The following FSIP2 variants were observed in gnomAD, a reference collection of about 807,000 sequenced individuals.
The protein encoded by FSIP2 is fibrous sheath interacting protein 2.
In FSIP2, 367 loss-of-function variants were observed where a neutral mutation model predicts 510.5. The observed-to-expected ratio is 0.72, with a 90% confidence interval of 0.66 to 0.78. The LOEUF (loss-of-function observed/expected upper bound fraction) is 0.78, where lower values mean the gene tolerates loss of function less well. FSIP2 is among the 30% of genes least tolerant of loss of function. FSIP2 has a pLI of 0.00. For synonymous variants in FSIP2, 2,601 were observed against 2,732.2 expected, an observed-to-expected ratio of 0.95 and a Z score of 1.50; for missense variants, 7,594 against 7,901.7, an observed-to-expected ratio of 0.96 and a Z score of 1.48.
Position 185,795,137 on chromosome 2 carries a change from A to G in FSIP2, c.8001A>G (p.Arg2667=). The G allele has an allele frequency of 1.3e-6, 2 of 1,534,960 alleles. No homozygotes were observed. Among genetic ancestry groups the G allele is most frequent in the South Asian group, 2.4e-5 (2 of 84,036 alleles). ...GCTTTAAAGCACATTTAAAAACAAG[A>G]TCAAAAATTACCACTTTGCCTAAAT... ...KPCFKAHLKT[R]SKITTLPKFT... is the part of the protein sequence containing the mutation. Residue 2667 remains arginine, a synonymous_variant, in exon 16 of 23, where the codon AGA becomes AGG. Coordinates refer to ENST00000424728, the MANE Select transcript of FSIP2 (RefSeq NM_173651.4).
At chr2:185,821,787 A>G (rs975861693) in intron 19 of FSIP2, among the ~76,000 whole-genome samples, 3 of 151,646 alleles carry the variant, frequency 2.0e-5, no homozygotes, top group South Asian at 2.1e-4. Flanking sequence ...ATAGCCAGAC[A>G]TGGTGGTGTG....
chr2:185,738,859 G>A lies in FSIP2; in HGVS notation c.-36G>A, dbSNP rs1411212631. On this transcript the variant is annotated 5_prime_UTR_variant, in exon 1 of 23. Transcript: ENST00000424728. ...CGGGGTGCTAGAGAAGGAGAGCGGGGCGGGTGAGGAAGGGGCTGAGGGGGC... is the reference window on the plus strand; with the variant it reads ...CGGGGTGCTAGAGAAGGAGAGCGGGACGGGTGAGGAAGGGGCTGAGGGGGC... 1 of 1,528,860 alleles carries A rather than the reference G, an allele frequency of 6.5e-7. No homozygotes were observed. The highest frequency in any genetic ancestry group is 8.7e-7 in the Non-Finnish European group (1 of 1,143,974). 94.7% of individuals were successfully genotyped at this position (1,528,860 alleles called of 1,614,324 possible).
Position 185,833,159 on chromosome 2 carries a change from A to C in FSIP2, c.20657A>C (p.Lys6886Thr). ...ACAAAAATGTCTTCAACTTTGTCAA[A>C]GGTGTTTTCTCAATGTAACACCAAT... ...MLTKMSSTLS[K>T]VFSQCNTNIS... is the part of the protein sequence containing the mutation. Residue 6886 changes from lysine (K) to threonine (T), a missense_variant, in exon 23 of 23, where the codon AAG becomes ACG. Lys to Thr is a moderately conservative substitution (Grantham distance 78). Coordinates refer to ENST00000424728, the MANE Select transcript of FSIP2 (RefSeq NM_173651.4). 6.2e-7 allele frequency: 1 copy of C among 1,610,448 alleles called. No individual in the cohort carries two copies. Among genetic ancestry groups the C allele is most frequent in the Non-Finnish European group, 8.5e-7 (1 of 1,177,386 alleles).
intron 10 of FSIP2, among the ~76,000 whole-genome samples, chr2:185,761,715 A>T (rs1692355740): frequency 6.6e-6 from 1 of 151,328 alleles, no homozygotes; most frequent in South Asian, 2.1e-4. Flanking sequence ...GCCTTTAGGC[A>T]AAGTAGGAAG....
chr2:185,801,603 T>A lies in FSIP2; in HGVS notation c.12297T>A (p.His4099Gln), dbSNP rs951126900. ...AACTGCCATCTTGCTTCAAGGAACA[T>A]CTCATACCCCATTCATATTACCCTC... ...DYKLPSCFKE[H>Q]LIPHSYYPLK... Residue 4099 changes from histidine to glutamine, a missense_variant, in exon 17 of 23, where the codon CAT (histidine) becomes CAA (glutamine). By Grantham distance (24) the His-to-Gln change is conservative. Coordinates refer to ENST00000424728, the MANE Select transcript of FSIP2 (RefSeq NM_173651.4). The A allele has an allele frequency of 1.0e-5, 16 of 1,533,242 alleles. No homozygotes were observed. Among genetic ancestry groups the A allele is most frequent in the Non-Finnish European group, 1.4e-5 (16 of 1,145,292 alleles). The allele number at this position is 1,533,242 out of a possible 1,614,324, so 95.0% of individuals were successfully genotyped here. A position where few individuals can be genotyped will look rare whatever the true frequency, so the allele number is the denominator to read the frequency against.
In FSIP2 at chr2:185,813,835, G is replaced by A. The variant is rs779866454; in HGVS notation, c.20118G>A (p.Thr6706=). 1.5e-5 allele frequency: 24 copies of A among 1,613,428 alleles called. No individual in the cohort carries two copies. Among genetic ancestry groups the A allele is most frequent in the Middle Eastern group, 1.6e-4 (1 of 6,084 alleles). The change falls in exon 18 of 23, where the codon ACG becomes ACA. Residue 6706 remains threonine, a synonymous_variant. Coordinates refer to ENST00000424728, the MANE Select transcript of FSIP2 (RefSeq NM_173651.4). ...SKLSPKSTLS[T]SSLKKFLSLS... ...TTTCTCCTAAGTCAACACTAAGCAC[G>A]AGCAGCCTGAAAAAATTTTTGTCAC...
At position 185,744,397 on chromosome 2, in the gene FSIP2, T is replaced by C; in HGVS notation, c.463T>C (p.Tyr155His). Residue 155 changes from tyrosine to histidine, a missense_variant, in exon 4 of 23, where the codon TAT becomes CAT. Physicochemically the swap from Tyr to His is moderately conservative, Grantham distance 83. Transcript: ENST00000424728. ...TSLKLDFERN[Y>H]IKEQRILAKQ... The stretch of plus-strand genomic sequence containing the variant: ...TTTAAAATTAGACTTTGAGAGAAAC[T>C]ATATAAAAGAACAAGTAAGTTAAAT... 2.8e-6 allele frequency: 3 copies of C among 1,061,176 alleles called. No individual in the cohort carries two copies. The highest frequency in any genetic ancestry group is 3.8e-6 in the Non-Finnish European group (3 of 781,450). The allele number at this position is 1,061,176 out of a possible 1,614,324, so 65.7% of individuals were successfully genotyped here. A position where few individuals can be genotyped will look rare whatever the true frequency, so the allele number is the denominator to read the frequency against.
intron 20 of FSIP2, among the ~76,000 whole-genome samples, chr2:185,827,444 T>G (rs544720362): frequency 6.6e-6 from 1 of 152,000 alleles, no homozygotes; most frequent in Non-Finnish European, 1.5e-5. Flanking sequence ...AGAAGTTAGA[T>G]GTTCAATGTT....
chr2:185,793,865 T>C lies in FSIP2; in HGVS notation c.6729T>C (p.Thr2243=). The part of the protein sequence containing the change: ...VEKEDTQKSA[T]DSCEENANFI... ...AAGAAGACACTCAGAAATCTGCTAC[T>C]GACTCATGTGAGGAAAATGCTAACT... is the stretch of plus-strand genomic sequence containing the variant. The change falls in exon 16 of 23, where the codon ACT becomes ACC. Residue 2243 remains threonine, a synonymous_variant. Coordinates refer to ENST00000424728, the MANE Select transcript of FSIP2 (RefSeq NM_173651.4). The C allele has an allele frequency of 6.5e-7, 1 of 1,531,322 alleles. No individual in the cohort carries two copies. Among genetic ancestry groups the C allele is most frequent in the Non-Finnish European group, 8.7e-7 (1 of 1,144,146 alleles). 94.9% of individuals were successfully genotyped at this position (1,531,322 alleles called of 1,614,324 possible). A position where few individuals can be genotyped will look rare whatever the true frequency, so the allele number is the denominator to read the frequency against.
chr2:185,816,032 A>G (rs1294540170), intron 19 of FSIP2, among the ~76,000 whole-genome samples: 3 of 152,022 alleles, frequency 2.0e-5, no homozygotes, highest in Non-Finnish European at 2.9e-5. Context: ...ATAGGGGACA[A>G]AGAGGAACAA....
chr2:185,798,947 A>C (rs1693361389), intron 16 of FSIP2, among the ~76,000 whole-genome samples: 1 of 151,858 alleles, frequency 6.6e-6, no homozygotes, highest in Non-Finnish European at 1.5e-5. Context: ...CTCAGCTTAA[A>C]GTCTTCTATC....
rs888579613 is a variant in FSIP2 at position 185,791,553 on chromosome 2, G to A, written c.4417G>A (p.Ala1473Thr). 4 of 1,534,148 alleles carry A rather than the reference G, an allele frequency of 2.6e-6. No homozygotes were observed. Among genetic ancestry groups the A allele is most frequent in the Non-Finnish European group, 3.5e-6 (4 of 1,145,618 alleles). ...REMTNKNQKM[A>T]AALQSNIQLI... ...GATGACCAATAAGAATCAGAAAATGGCTGCTGCATTGCAGTCTAATATTCA... is the reference window on the plus strand; with the variant it reads ...GATGACCAATAAGAATCAGAAAATGACTGCTGCATTGCAGTCTAATATTCA... Residue 1473 changes from alanine (A) to threonine (T), a missense_variant, in exon 16 of 23, where the codon GCT becomes ACT. Physicochemically the swap from Ala to Thr is moderately conservative, Grantham distance 58. Transcript: ENST00000424728.
At position 185,802,784 on chromosome 2, in the gene FSIP2, C is replaced by A. The variant is rs1452738290; in HGVS notation, c.13478C>A (p.Thr4493Asn). 4 of 1,519,582 alleles carry A rather than the reference C, an allele frequency of 2.6e-6. No individual in the cohort carries two copies. The highest frequency in any genetic ancestry group is 1.7e-4 in the Middle Eastern group (1 of 5,860). 94.1% of individuals were successfully genotyped at this position (1,519,582 alleles called of 1,614,324 possible). ...SASSLVLNRD[T>N]QKDISRVNFN... ...TCTAGCCTGGTTCTAAACAGAGACA[C>A]CCAAAAAGATATATCAAGAGTGAAT... Residue 4493 changes from threonine to asparagine, a missense_variant, in exon 17 of 23, where the codon ACC becomes AAC. By Grantham distance (65) the Thr-to-Asn change is moderately conservative. Transcript: ENST00000424728.
At chr2:185,762,493 C>G (rs908200137) in intron 11 of FSIP2, among the ~76,000 whole-genome samples, 3 of 151,320 alleles carry the variant, frequency 2.0e-5, no homozygotes, top group African/African-American at 7.3e-5. Flanking sequence ...ATACAGAAAA[C>G]ATGAGACATC....
chr2:185,799,473 T>C (rs1286751996), intron 16 of FSIP2, among the ~76,000 whole-genome samples: 2 of 151,720 alleles, frequency 1.3e-5, no homozygotes, highest in Non-Finnish European at 2.9e-5. Flanking sequence ...ACTTAGAGGA[T>C]TGAATTTTGG....
intron 6 of FSIP2, among the ~76,000 whole-genome samples, chr2:185,747,082 T>C (rs915282202): frequency 1.1e-4 from 16 of 152,100 alleles, no homozygotes; most frequent in Non-Finnish European, 2.4e-4. Flanking sequence ...GCCCTTATTG[T>C]GGAGACAAAA....
intron 9 of FSIP2, among the ~76,000 whole-genome samples, chr2:185,757,904 G>A (rs1036685126): frequency 6.6e-6 from 1 of 151,070 alleles, no homozygotes; most frequent in African/African-American, 2.4e-5. Context: ...GAACAGTCCA[G>A]CATTCCAGAA....
rs138547236 is a variant in FSIP2 at position 185,793,769 on chromosome 2, A to G, written c.6633A>G (p.Thr2211=). 8.5e-5 allele frequency: 131 copies of G among 1,532,908 alleles called. No homozygotes were observed. The African/African-American group carries it at 1.6e-3, about 19-fold the overall frequency. 95.0% of individuals were successfully genotyped at this position (1,532,908 alleles called of 1,614,324 possible). The change falls in exon 16 of 23, where the codon ACA becomes ACG. Residue 2211 remains threonine (T), a synonymous_variant. Coordinates refer to ENST00000424728, the MANE Select transcript of FSIP2 (RefSeq NM_173651.4). The part of the protein sequence containing the change: ...PLKGSKTERK[T]ERFSYSRNQK... ...AGGGGTCAAAAACTGAAAGAAAAAC[A>G]GAGCGTTTTTCATATTCAAGAAATC...
Position 185,802,896 on chromosome 2 carries a change from A to C in FSIP2, c.13590A>C (p.Glu4530Asp). 1 of 1,497,548 alleles carries C rather than the reference A, an allele frequency of 6.7e-7. No homozygotes were observed. The highest frequency in any genetic ancestry group is 8.8e-7 in the Non-Finnish European group (1 of 1,132,150). 92.8% of individuals were successfully genotyped at this position (1,497,548 alleles called of 1,614,324 possible). A position where few individuals can be genotyped will look rare whatever the true frequency, so the allele number is the denominator to read the frequency against. ...HEIRFSKEEE[E>D]TKFIYSEDDI... ...TTCGATTTTCAAAAGAGGAAGAAGA[A>C]ACCAAGTTTATTTATTCAGAAGATG... Residue 4530 changes from glutamate to aspartate, a missense_variant, in exon 17 of 23, where the codon GAA becomes GAC. Transcript: ENST00000424728.
Sources: gnomAD v4.1 joint callset for allele counts (sites outside exome capture counted in the v4.1 genomes callset) on GRCh38, gnomAD v4.1.1 for gene constraint, MANE v1.5 for transcripts, NCBI Gene and HGNC (gene_info 2026-07-23, HGNC 2026-07-21) for gene names.